Variants in SPATA6 observed in about 807,000 individuals in gnomAD.
SPATA6 encodes spermatogenesis associated 6, also known as spermatogenesis-associated protein 6.
In SPATA6, 56 loss-of-function variants were observed where a neutral mutation model predicts 65.3. The observed-to-expected ratio is 0.86, with a 90% CI of 0.69 to 1.07. The LOEUF is 1.07. Ranked by LOEUF, SPATA6 falls within the 50% of genes least tolerant of loss-of-function variation. The probability of loss-of-function intolerance (pLI) is 0.00; values close to 1 mark genes in which losing one functional copy is unlikely to be tolerated. For missense variants in SPATA6, 590 were observed against 594.8 expected, an observed-to-expected ratio of 0.99 and a Z score of 0.08; for synonymous variants, 199 against 213.2, an observed-to-expected ratio of 0.93 and a Z score of 0.58.
intron 1 of SPATA6, among the ~76,000 whole-genome samples, chr1:48,461,532 G>A (rs977074421): frequency 2.0e-5 from 3 of 152,116 alleles, no homozygotes; most frequent in Non-Finnish European, 4.4e-5. Flanking sequence ...GTAAGGAAGG[G>A]ATCCAGTTTC....
At chr1:48,429,738 T>C (rs1654229463) in intron 3 of SPATA6, among the ~76,000 whole-genome samples, 1 of 151,644 alleles carries the variant, frequency 6.6e-6, no homozygotes, top group Non-Finnish European at 1.5e-5. Flanking sequence ...AAAAGAAAGA[T>C]GAAGAGAAGG....
chr1:48,460,242 A>G (rs889485639), intron 1 of SPATA6, among the ~76,000 whole-genome samples: 2 of 152,190 alleles, frequency 1.3e-5, no homozygotes, highest in Non-Finnish European at 2.9e-5. Context: ...CTGGGATTAC[A>G]AGCATGTGCC....
At position 48,367,894 on chromosome 1, in the gene SPATA6, T is replaced by C. The variant is rs180699461; in HGVS notation, c.910-8124A>G. Among the ~76,000 whole-genome samples the C allele has an allele frequency of 4.6e-5, 7 of 152,352 alleles. No homozygotes were observed. In the East Asian group the frequency reaches 1.2e-3, roughly 25 times the overall value. On this transcript the variant is annotated intron_variant, in intron 9 of 12. Coordinates refer to ENST00000371847, the MANE Select transcript of SPATA6 (RefSeq NM_019073.4). ...TTCATGCAGTTTCTTCCAGCCTTCA[T>C]GATCTTTATAATTTGGCATGTTTTT...
chr1:48,276,509 GC>G, the SPATA6 span, among the ~76,000 whole-genome samples: 4 of 152,132 alleles, frequency 2.6e-5, no homozygotes. Flanking sequence ...TTTTAGCTGT[GC>G]CCCAGAGATT....
At chr1:48,349,772 T>C (rs141622179) in intron 11 of SPATA6, among the ~76,000 whole-genome samples, 1 of 152,052 alleles carries the variant, frequency 6.6e-6, no homozygotes, top group East Asian at 1.9e-4. Flanking sequence ...GTATTTAAGA[T>C]TCATCATGTT....
chr1:48,271,026 A>G, the SPATA6 span, among the ~76,000 whole-genome samples: 1 of 152,182 alleles, frequency 6.6e-6, no homozygotes, highest in African/African-American at 2.4e-5. Context: ...TGAGTCAAAA[A>G]TGAACTGTTT....
chr1:48,346,371 T>C (rs1368382922), intron 11 of SPATA6, among the ~76,000 whole-genome samples: 1 of 152,038 alleles, frequency 6.6e-6, no homozygotes, highest in Non-Finnish European at 1.5e-5. Flanking sequence ...GTCAACATCA[T>C]ACTGAATGGG....
At chr1:48,355,591 T>G in intron 11 of SPATA6, 79 bp downstream of exon 11, 1 of 993,684 alleles carries the variant, frequency 1.0e-6, no homozygotes, top group Non-Finnish European at 1.5e-6. Context: ...GGTGACTAAA[T>G]TTTGTAAGCT....
chr1:48,298,609 T>G lies in SPATA6; in HGVS notation c.*104A>C. The G allele has an allele frequency of 8.8e-7, 1 of 1,141,084 alleles. No individual in the cohort carries two copies. The highest frequency in any genetic ancestry group is 1.2e-6 in the Non-Finnish European group (1 of 807,694). The allele number at this position is 1,141,084 out of a possible 1,614,324, so 70.7% of individuals were successfully genotyped here. On this transcript the variant is annotated 3_prime_UTR_variant, in exon 13 of 13. Coordinates refer to ENST00000371847, the MANE Select transcript of SPATA6 (RefSeq NM_019073.4). ...TTCAAGTATAACTATTGTACTTAGT[T>G]ATAATCCCATTTTTTTTAAAAAAAG...
At chr1:48,375,720 G>T (rs887092361) in intron 9 of SPATA6, among the ~76,000 whole-genome samples, 1 of 152,094 alleles carries the variant, frequency 6.6e-6, no homozygotes, top group African/African-American at 2.4e-5. Flanking sequence ...ATTTATTTCA[G>T]TCTAGGTCCA....
chr1:48,468,709 G>A (rs1405122049), intron 1 of SPATA6, among the ~76,000 whole-genome samples: 6 of 150,766 alleles, frequency 4.0e-5, no homozygotes. Context: ...AACATTGTGG[G>A]AATAAAAAAA....
chr1:48,288,583 C>A, the SPATA6 span, among the ~76,000 whole-genome samples: 2 of 152,238 alleles, frequency 1.3e-5, no homozygotes, highest in African/African-American at 4.8e-5. Flanking sequence ...GGTCAGAGAA[C>A]TCCCTTTCCT....
chr1:48,347,861 T>A (rs1309788789), intron 11 of SPATA6, among the ~76,000 whole-genome samples: 4 of 151,972 alleles, frequency 2.6e-5, no homozygotes, highest in African/African-American at 9.7e-5. Context: ...AACCCCTCCC[T>A]GGAACTAACT....
At chr1:48,467,160 T>C (rs1657871295) in intron 1 of SPATA6, among the ~76,000 whole-genome samples, 1 of 152,140 alleles carries the variant, frequency 6.6e-6, no homozygotes, top group Non-Finnish European at 1.5e-5. Flanking sequence ...CTCTTAGCAA[T>C]ATATTTTCTC....
chr1:48,271,312 C>T, the SPATA6 span, among the ~76,000 whole-genome samples: 1 of 152,056 alleles, frequency 6.6e-6, no homozygotes. Context: ...TATTAGAAAA[C>T]TTCTTATTTA....
chr1:48,417,284 T>C (rs1213426118), intron 3 of SPATA6, among the ~76,000 whole-genome samples: 2 of 152,230 alleles, frequency 1.3e-5, no homozygotes, highest in Non-Finnish European at 2.9e-5. Context: ...AATGTATTTT[T>C]ATGTAACAGC....
chr1:48,398,642 T>C (rs919175092), intron 7 of SPATA6, among the ~76,000 whole-genome samples: 12 of 151,784 alleles, frequency 7.9e-5, no homozygotes, highest in African/African-American at 2.9e-4. Context: ...AGAATTGCTT[T>C]TAAGGTAAAA....
intron 9 of SPATA6, among the ~76,000 whole-genome samples, chr1:48,384,389 G>T (rs1416782878): frequency 2.1e-5 from 1 of 48,002 alleles, no homozygotes; most frequent in Non-Finnish European, 3.9e-5. Context: ...AGAGGGAGAG[G>T]GAGAGGGAGA....
At chr1:48,415,520 G>A (rs1652681190) in intron 3 of SPATA6, among the ~76,000 whole-genome samples, 2 of 151,988 alleles carry the variant, frequency 1.3e-5, no homozygotes, top group South Asian at 4.2e-4. Context: ...ACACTGTAAT[G>A]GAAATGAAGA....
Sources: gnomAD v4.1 joint callset for allele counts (sites outside exome capture counted in the v4.1 genomes callset) on GRCh38, gnomAD v4.1.1 for gene constraint, MANE v1.5 for transcripts, NCBI Gene and HGNC (gene_info 2026-07-23, HGNC 2026-07-21) for gene names.